CNNM2: variants seen among roughly 807,000 people sequenced by gnomAD.
CNNM2 encodes the protein cyclin and CBS domain divalent metal cation transport mediator 2.
In CNNM2, 12 loss-of-function variants were observed where a neutral mutation model predicts 66.9. That is an observed-to-expected ratio of 0.18 (90% CI 0.11 to 0.29). CNNM2 has a LOEUF of 0.29. Ranked by LOEUF, CNNM2 falls within the 10% of genes least tolerant of loss-of-function variation. The probability of loss-of-function intolerance (pLI) is 1.00; values close to 1 mark genes in which losing one functional copy is unlikely to be tolerated. For missense variants in CNNM2, 705 were observed against 1,167.7 expected (o/e 0.60, Z 5.77); for synonymous variants, 557 against 501.8 (o/e 1.11, Z -1.47).
chr10:103,016,842 G>A (rs995871344), intron 1 of CNNM2, among the ~76,000 whole-genome samples: 6 of 152,038 alleles, frequency 3.9e-5, no homozygotes, highest in Admixed American at 6.6e-5. Context: ...CTCCTCAGAC[G>A]CTCTGCTGGC....
chr10:103,054,547 G>GAGAAACACGCTTCA lies in CNNM2; in HGVS notation c.1903+81_1903+82insAGAAACACGCTTCA. Reference sequence around the variant, plus strand: ...ACCCACCACTGACTGGGGTGGGTTGGGGGTGGACACTGGGAAATGGGGTGA... The same window carrying GAGAAACACGCTTCA: ...ACCCACCACTGACTGGGGTGGGTTGGAGAAACACGCTTCAGGGTGGACACTGGGAAATGGGGTGA... On this transcript the variant is annotated intron_variant, in intron 3 of 7. Transcript: ENST00000369878. The surrounding 1 kb of genome is among the most constrained non-coding windows in gnomAD (Gnocchi z 5.2). 6.8e-7 allele frequency: 1 copy of GAGAAACACGCTTCA among 1,480,112 alleles called. No homozygotes were observed. The highest frequency in any genetic ancestry group is 9.2e-7 in the Non-Finnish European group (1 of 1,086,334). 91.7% of individuals were successfully genotyped at this position (1,480,112 alleles called of 1,614,324 possible).
intron 1 of CNNM2, among the ~76,000 whole-genome samples, chr10:102,966,510 C>T (rs560049635): frequency 4.6e-5 from 7 of 152,204 alleles, no homozygotes; most frequent in African/African-American, 1.7e-4. Flanking sequence ...ACCTGTAATC[C>T]TAGCTACTCA....
At chr10:102,969,096 G>A (rs1279090934) in intron 1 of CNNM2, among the ~76,000 whole-genome samples, 1 of 150,978 alleles carries the variant, frequency 6.6e-6, no homozygotes, top group East Asian at 2.0e-4. Flanking sequence ...TCTATTTTTT[G>A]TAGAGACAGG....
rs1329422242 is a variant in CNNM2 at position 103,080,560 on chromosome 10, A to G, written c.*3380A>G. 2 of 152,096 alleles carry G rather than the reference A, an allele frequency of 1.3e-5. No individual in the cohort carries two copies. The highest frequency in any genetic ancestry group is 4.8e-5 in the African/African-American group (2 of 41,424). The allele number at this position is 152,096 out of a possible 1,614,324, so 9.4% of individuals were successfully genotyped here. A position where few individuals can be genotyped will look rare whatever the true frequency, so the allele number is the denominator to read the frequency against. The stretch of plus-strand genomic sequence containing the variant: ...TCACCTCACTCCCTGCAGGGAGTTC[A>G]ATGCCATGTTGAAGTGGTTGGCATC... On this transcript the variant is annotated 3_prime_UTR_variant, in exon 8 of 8. Transcript: ENST00000369878.
At chr10:102,939,428 A>G (rs559179351) in intron 1 of CNNM2, among the ~76,000 whole-genome samples, 3 of 152,180 alleles carry the variant, frequency 2.0e-5, no homozygotes, top group South Asian at 4.2e-4. Context: ...CCACATCTAC[A>G]TCTTGGTTGT....
chr10:103,004,762 G>A (rs968735047), intron 1 of CNNM2, among the ~76,000 whole-genome samples: 3 of 152,164 alleles, frequency 2.0e-5, no homozygotes, highest in Admixed American at 6.5e-5. Flanking sequence ...AGTCTGTTTC[G>A]CTCAAACTTT....
chr10:102,962,167 C>T (rs911564112), intron 1 of CNNM2, among the ~76,000 whole-genome samples: 3 of 151,738 alleles, frequency 2.0e-5, no homozygotes, highest in African/African-American at 4.8e-5. Context: ...GGGCCTGTCC[C>T]GGGGGGTGGT....
At chr10:103,071,404 G>A (rs747367111) in intron 5 of CNNM2, among the ~76,000 whole-genome samples, 2 of 152,192 alleles carry the variant, frequency 1.3e-5, no homozygotes, top group East Asian at 1.9e-4. Flanking sequence ...AGGCGCCAGC[G>A]GTTTGAGTCA....
At chr10:102,945,594 A>G (rs1846590176) in intron 1 of CNNM2, among the ~76,000 whole-genome samples, 1 of 151,292 alleles carries the variant, frequency 6.6e-6, no homozygotes, top group African/African-American at 2.4e-5. Context: ...AGCCACACTG[A>G]AGCAGAGCTC....
At chr10:103,062,729 C>T (rs2065409131) in intron 4 of CNNM2, among the ~76,000 whole-genome samples, 1 of 152,210 alleles carries the variant, frequency 6.6e-6, no homozygotes, top group Non-Finnish European at 1.5e-5. Flanking sequence ...AAGATGTCTG[C>T]ACCCTCCAGC....
intron 5 of CNNM2, among the ~76,000 whole-genome samples, chr10:103,070,878 G>A (rs1411936189): frequency 6.6e-6 from 1 of 151,996 alleles, no homozygotes; most frequent in Non-Finnish European, 1.5e-5. Flanking sequence ...TGCAGTGAGC[G>A]CAGAGCACGC....
intron 1 of CNNM2, among the ~76,000 whole-genome samples, chr10:102,923,791 A>C (rs957642194): frequency 1.3e-5 from 2 of 152,210 alleles, no homozygotes; most frequent in Middle Eastern, 3.2e-3. Context: ...AAAGTTTTGT[A>C]CTAACAATGT....
chr10:102,994,065 T>C (rs1052706376), intron 1 of CNNM2, among the ~76,000 whole-genome samples: 1 of 152,092 alleles, frequency 6.6e-6, no homozygotes, highest in African/African-American at 2.4e-5. Context: ...GCCTCGTGAG[T>C]AGCTGGGATT....
chr10:102,996,769 T>A (rs2064012369), intron 1 of CNNM2, among the ~76,000 whole-genome samples: 1 of 152,240 alleles, frequency 6.6e-6, no homozygotes, highest in African/African-American at 2.4e-5. Context: ...ATAAAAATTG[T>A]TCACTTCATA....
At position 103,049,323 on chromosome 10, in the gene CNNM2, T is replaced by A. The variant is rs117117183; in HGVS notation, c.1622-384T>A. 1.2e-4 allele frequency among the ~76,000 whole-genome samples: 18 copies of A among 152,334 alleles called. No homozygotes were observed. The East Asian group carries it at 3.3e-3, about 28-fold the overall frequency. ...AGCCAATAGCATCTTAGTATTCTTA[T>A]GAAAATAGTTGGGCCTCATGGACCT... On this transcript the variant is annotated intron_variant, in intron 1 of 7. Transcript: ENST00000369878.
At chr10:103,010,716 G>A (rs572795647) in intron 1 of CNNM2, among the ~76,000 whole-genome samples, 4 of 152,092 alleles carry the variant, frequency 2.6e-5, no homozygotes, top group African/African-American at 7.2e-5. Flanking sequence ...GGGTTCAAGC[G>A]ATTCTCCTGC....
At chr10:103,006,457 C>G (rs373315179) in intron 1 of CNNM2, among the ~76,000 whole-genome samples, 14 of 152,204 alleles carry the variant, frequency 9.2e-5, no homozygotes, top group African/African-American at 3.1e-4. Flanking sequence ...CCACCCGCCT[C>G]AGCCTCCCAA....
In CNNM2 at chr10:102,919,128, T is replaced by A; in HGVS notation, c.648T>A (p.Gly216=). Residue 216 remains glycine (G), a synonymous_variant, in exon 1 of 8, where the codon GGT becomes GGA. Transcript: ENST00000369878. The part of the protein sequence containing the change: ...GSTGGAVGGK[G]GSGVAGLPPP... ...CGGGTGGCGCCGTCGGGGGCAAGGG[T>A]GGCTCGGGGGTGGCCGGGCTCCCGC... 1 of 1,610,328 alleles carries A rather than the reference T, an allele frequency of 6.2e-7. No individual in the cohort carries two copies. The highest frequency in any genetic ancestry group is 8.5e-7 in the Non-Finnish European group (1 of 1,179,374).
chr10:103,037,978 T>C (rs2064972657), intron 1 of CNNM2, among the ~76,000 whole-genome samples: 1 of 152,176 alleles, frequency 6.6e-6, no homozygotes, highest in Non-Finnish European at 1.5e-5. Context: ...CAGCTGGGAT[T>C]ACAGGCATGT....
Sources: allele counts gnomAD v4.1 joint callset (sites outside exome capture counted in the v4.1 genomes callset), GRCh38; gene constraint gnomAD v4.1.1; non-coding constraint Gnocchi (gnomAD v3.1); transcripts MANE v1.5; gene names NCBI Gene and HGNC (gene_info 2026-07-23, HGNC 2026-07-21).